The following KCNJ6 variants were observed in gnomAD, a reference collection of about 807,000 sequenced individuals.
KCNJ6 encodes the protein potassium inwardly rectifying channel subfamily J member 6.
Under a neutral mutation model 34.2 loss-of-function variants are expected in KCNJ6, and 9 were observed. The observed-to-expected ratio is 0.26, with a 90% CI of 0.16 to 0.46. The LOEUF (loss-of-function observed/expected upper bound fraction) is 0.46. Ranked by LOEUF, KCNJ6 falls within the 20% of genes least tolerant of loss-of-function variation. The pLI, the probability that KCNJ6 is intolerant of heterozygous loss-of-function variation, is 1.00. For synonymous variants in KCNJ6, 196 were observed against 207.1 expected (o/e 0.95, Z 0.46); for missense variants, 236 against 531.3 (o/e 0.44, Z 5.46).
chr21:37,715,014 C>T lies in KCNJ6; in HGVS notation c.143G>A (p.Arg48Gln), dbSNP rs759367852. ...GTACCTCTGGATTTTCCTTTTGGTC[C>T]GATCTCGGCTGATGTGTCTTGGCAG... ...DDLPRHISRD[R>Q]TKRKIQRYVR... Residue 48 changes from arginine to glutamine, a missense_variant, in exon 3 of 4, where the codon CGG becomes CAG. Arg to Gln is a conservative substitution (Grantham distance 43). Transcript: ENST00000609713. 6.2e-6 allele frequency: 10 copies of T among 1,614,190 alleles called. No homozygotes were observed. The East Asian group carries it at 1.1e-4, about 18-fold the overall frequency.
At chr21:37,874,567 C>G (rs943346115) in intron 1 of KCNJ6, among the ~76,000 whole-genome samples, 1 of 152,130 alleles carries the variant, frequency 6.6e-6, no homozygotes, top group African/African-American at 2.4e-5. Flanking sequence ...TTTATGCATT[C>G]AAAAGTCTTT....
At chr21:37,762,056 T>C (rs1377515296) in intron 2 of KCNJ6, among the ~76,000 whole-genome samples, 1 of 152,192 alleles carries the variant, frequency 6.6e-6, no homozygotes, top group African/African-American at 2.4e-5. Context: ...CAGGGGTGTC[T>C]GTCAGCTGTT....
At chr21:37,779,818 G>A (rs541435091) in intron 2 of KCNJ6, among the ~76,000 whole-genome samples, 9 of 152,348 alleles carry the variant, frequency 5.9e-5, no homozygotes, top group Non-Finnish European at 8.8e-5. Flanking sequence ...GAGGTTGTAT[G>A]TACTGAAAAT....
At position 37,703,896 on chromosome 21, in the gene KCNJ6, G is replaced by T. The variant is rs1279532468; in HGVS notation, c.946+10315C>A. On this transcript the variant is annotated intron_variant, in intron 3 of 3. Coordinates refer to ENST00000609713, the MANE Select transcript of KCNJ6 (RefSeq NM_002240.5). Reference sequence around the variant, plus strand: ...TCGGGGATGAGAAATCCAGCCACAGGTGAGGCTTTTGCTAATTCATCCACC... The same window carrying T: ...TCGGGGATGAGAAATCCAGCCACAGTTGAGGCTTTTGCTAATTCATCCACC... Among the ~76,000 whole-genome samples the T allele has an allele frequency of 2.6e-5, 4 of 152,368 alleles. No individual in the cohort carries two copies. The South Asian group carries it at 8.3e-4, about 32-fold the overall frequency.
At position 37,840,600 on chromosome 21, in the gene KCNJ6, C is replaced by G. The variant is rs373237689; in HGVS notation, c.25+58G>C. On this transcript the variant is annotated intron_variant, in intron 2 of 3. Transcript: ENST00000609713. The stretch of plus-strand genomic sequence containing the variant: ...CATCACACGGGATGTCTTTTTTGTG[C>G]GATTTTGCATTTTCCCATTCAAAAC... 9 of 1,205,682 alleles carry G rather than the reference C, an allele frequency of 7.5e-6. No individual in the cohort carries two copies. The African/African-American group carries it at 1.2e-4, about 16-fold the overall frequency. 74.7% of individuals were successfully genotyped at this position (1,205,682 alleles called of 1,614,324 possible). A position where few individuals can be genotyped will look rare whatever the true frequency, so the allele number is the denominator to read the frequency against.
chr21:37,746,590 T>C (rs2054968758), intron 2 of KCNJ6, among the ~76,000 whole-genome samples: 1 of 152,192 alleles, frequency 6.6e-6, no homozygotes, highest in Non-Finnish European at 1.5e-5. Flanking sequence ...GTGTTTGACC[T>C]CTAAAGCTGG....
At chr21:37,643,579 G>T (rs989333098) in intron 3 of KCNJ6, among the ~76,000 whole-genome samples, 11 of 152,320 alleles carry the variant, frequency 7.2e-5, no homozygotes, top group African/African-American at 2.4e-4. Context: ...ACCAATGTGT[G>T]TCAGGGTCTC....
intron 1 of KCNJ6, among the ~76,000 whole-genome samples, chr21:37,869,349 T>C (rs1208763434): frequency 6.6e-6 from 1 of 152,236 alleles, no homozygotes; most frequent in Admixed American, 6.5e-5. Context: ...TGGGTAATAA[T>C]TCATAGAAAT....
chr21:37,764,846 G>A (rs2055083354), intron 2 of KCNJ6, among the ~76,000 whole-genome samples: 2 of 152,208 alleles, frequency 1.3e-5, no homozygotes, highest in African/African-American at 4.8e-5. Flanking sequence ...TGGTTGATGG[G>A]GGAGATGCAA....
intron 1 of KCNJ6, among the ~76,000 whole-genome samples, chr21:37,853,177 G>A (rs2055546164): frequency 6.7e-6 from 1 of 149,830 alleles, no homozygotes; most frequent in South Asian, 2.1e-4. Flanking sequence ...CAGATCCAAG[G>A]AGCCAAATGA....
chr21:37,686,601 G>C (rs1426096701), intron 3 of KCNJ6, among the ~76,000 whole-genome samples: 2 of 151,620 alleles, frequency 1.3e-5, no homozygotes, highest in Non-Finnish European at 2.9e-5. Context: ...CTGAGTAGCT[G>C]GGATTACAGG....
At chr21:37,783,737 A>C (rs576497123) in intron 2 of KCNJ6, among the ~76,000 whole-genome samples, 15 of 152,198 alleles carry the variant, frequency 9.9e-5, no homozygotes, top group Admixed American at 2.6e-4. Flanking sequence ...TCTAACCTCC[A>C]GTGTGGCTGT....
chr21:37,650,148 G>T (rs2054426559), intron 3 of KCNJ6, among the ~76,000 whole-genome samples: 1 of 152,166 alleles, frequency 6.6e-6, no homozygotes, highest in South Asian at 2.1e-4. Flanking sequence ...GATTCTGCCT[G>T]GTCCTTAGAT....
chr21:37,798,283 C>T (rs1379734826), intron 2 of KCNJ6, among the ~76,000 whole-genome samples: 1 of 152,152 alleles, frequency 6.6e-6, no homozygotes, highest in Admixed American at 6.5e-5. Flanking sequence ...GCAAGCAGCC[C>T]CTCCACATGG....
At chr21:37,746,273 G>A (rs941190113) in intron 2 of KCNJ6, among the ~76,000 whole-genome samples, 1 of 152,216 alleles carries the variant, frequency 6.6e-6, no homozygotes, top group Non-Finnish European at 1.5e-5. Flanking sequence ...AGCGGGTTAA[G>A]GAAAGCAGGA....
At chr21:37,855,418 A>T (rs1455597410) in intron 1 of KCNJ6, among the ~76,000 whole-genome samples, 1 of 152,198 alleles carries the variant, frequency 6.6e-6, no homozygotes, top group Non-Finnish European at 1.5e-5. Flanking sequence ...TAACCCTCAC[A>T]TCGCTCTATT....
intron 2 of KCNJ6, among the ~76,000 whole-genome samples, chr21:37,733,213 G>C (rs1010101623): frequency 2.6e-5 from 4 of 152,176 alleles, no homozygotes; most frequent in African/African-American, 9.7e-5. Context: ...CAATAAAATA[G>C]AATTACTTTT....
At chr21:37,655,776 G>A (rs1366503692) in intron 3 of KCNJ6, among the ~76,000 whole-genome samples, 1 of 152,192 alleles carries the variant, frequency 6.6e-6, no homozygotes, top group Non-Finnish European at 1.5e-5. Context: ...TTCCCCAAAG[G>A]TCATAACTAG....
At chr21:37,847,277 T>A (rs1327744438) in intron 1 of KCNJ6, among the ~76,000 whole-genome samples, 1 of 152,222 alleles carries the variant, frequency 6.6e-6, no homozygotes, top group Non-Finnish European at 1.5e-5. Flanking sequence ...AATGGTACTG[T>A]CTTCTCTACT....
Sources: allele counts gnomAD v4.1 joint callset (sites outside exome capture counted in the v4.1 genomes callset), GRCh38; gene constraint gnomAD v4.1.1; transcripts MANE v1.5; gene names NCBI Gene and HGNC (gene_info 2026-07-23, HGNC 2026-07-21).